The following PPP3CB variants were observed in gnomAD, a reference collection of about 807,000 sequenced individuals.
The protein encoded by PPP3CB is serine/threonine-protein phosphatase 2B catalytic subunit beta isoform.
In PPP3CB, 8 loss-of-function variants were observed where a neutral mutation model predicts 66.4. The observed-to-expected ratio is 0.12, with a 90% CI of 0.07 to 0.22. The LOEUF is 0.22. Among genes scored for constraint, PPP3CB ranks in the 10% least tolerant of loss-of-function variants. PPP3CB has a pLI of 1.00. For synonymous variants in PPP3CB, 208 were observed against 221.2 expected (o/e 0.94, Z 0.53); for missense variants, 319 against 642.5 (o/e 0.50, Z 5.44).
At chr10:73,472,974 T>C (rs1277596715) in intron 4 of PPP3CB, among the ~76,000 whole-genome samples, 1 of 152,186 alleles carries the variant, frequency 6.6e-6, no homozygotes, top group Non-Finnish European at 1.5e-5. Context: ...AAGAACTTAG[T>C]TCCTATTTCC....
chr10:73,468,513 C>T (rs2056654183), intron 8 of PPP3CB, among the ~76,000 whole-genome samples: 1 of 152,168 alleles, frequency 6.6e-6, no homozygotes, highest in Non-Finnish European at 1.5e-5. Context: ...ATTTATAAAA[C>T]AGGACTAATA....
At chr10:73,490,038 T>TG (rs2133041881) in intron 1 of PPP3CB, among the ~76,000 whole-genome samples, 1 of 152,354 alleles carries the variant, frequency 6.6e-6, no homozygotes, top group South Asian at 2.1e-4. Context: ...CCCACTAGAA[T>TG]GCCGGCACTA....
At chr10:73,441,460 C>A (rs913717289) in intron 12 of PPP3CB, among the ~76,000 whole-genome samples, 1 of 152,040 alleles carries the variant, frequency 6.6e-6, no homozygotes, top group African/African-American at 2.4e-5. Context: ...AAAAATTAGC[C>A]GGGCATGGTG....
intron 12 of PPP3CB, among the ~76,000 whole-genome samples, chr10:73,440,600 G>A (rs1208506365): frequency 6.6e-6 from 1 of 152,128 alleles, no homozygotes; most frequent in Non-Finnish European, 1.5e-5. Flanking sequence ...TAGTACTGAT[G>A]TTCCAAATAC....
At chr10:73,451,991 C>T (rs1418853373) in intron 10 of PPP3CB, among the ~76,000 whole-genome samples, 1 of 151,758 alleles carries the variant, frequency 6.6e-6, no homozygotes, top group Non-Finnish European at 1.5e-5. Context: ...CATGATCCAC[C>T]CGCCTCAGCC....
At position 73,484,769 on chromosome 10, in the gene PPP3CB, C is replaced by T. The variant is rs532995069; in HGVS notation, c.86-5252G>A. On this transcript the variant is annotated intron_variant, in intron 1 of 13. Coordinates refer to ENST00000360663, the MANE Select transcript of PPP3CB (RefSeq NM_021132.4). Reference sequence around the variant, plus strand: ...GGAACAACCTAAAGAGCTACAAAATCGGCTGGGCGTGGTGGCTCACGCCTG... The same window carrying T: ...GGAACAACCTAAAGAGCTACAAAATTGGCTGGGCGTGGTGGCTCACGCCTG... 4.6e-5 allele frequency among the ~76,000 whole-genome samples: 7 copies of T among 151,794 alleles called. 1 individual carries two copies. The South Asian group carries it at 1.3e-3, about 27-fold the overall frequency.
chr10:73,460,265 C>CAAAAAAAAAAAAAAAA (rs11447229), intron 9 of PPP3CB, among the ~76,000 whole-genome samples: 3 of 35,812 alleles, frequency 8.4e-5, no homozygotes, highest in Non-Finnish European at 1.8e-4. Context: ...AAAGTAATAG[C>CAAAAAAAAAAAAAAAA]AAAAAAAAAA....
chr10:73,483,734 C>T lies in PPP3CB; in HGVS notation c.86-4217G>A, dbSNP rs137972637. ...AAAAGGCACGTATAGTGTTGTTTTG[C>T]AAGTGGAGAACGGAGCTTCAGCAGG... On this transcript the variant is annotated intron_variant, in intron 1 of 13. Transcript: ENST00000360663. Among the ~76,000 whole-genome samples the T allele has an allele frequency of 1.2e-4, 19 of 152,160 alleles. No individual in the cohort carries two copies. The East Asian group carries it at 3.3e-3, about 26-fold the overall frequency.
At chr10:73,446,299 T>C (rs1253530076) in intron 11 of PPP3CB, among the ~76,000 whole-genome samples, 193 bp downstream of exon 11, 2 of 151,472 alleles carry the variant, frequency 1.3e-5, no homozygotes, top group Non-Finnish European at 2.9e-5. Flanking sequence ...GGGGATTCAC[T>C]ATGTTGGCCA....
chr10:73,493,557 G>A (rs1341648158), intron 1 of PPP3CB, among the ~76,000 whole-genome samples: 1 of 152,136 alleles, frequency 6.6e-6, no homozygotes, highest in African/African-American at 2.4e-5. Flanking sequence ...GTGAATTTCT[G>A]GATCTGTAAG....
intron 1 of PPP3CB, among the ~76,000 whole-genome samples, chr10:73,484,363 G>A (rs57585899): frequency 1.5e-4 from 23 of 151,538 alleles, no homozygotes; most frequent in Non-Finnish European, 2.9e-5. Context: ...TCCGCCCCCC[G>A]GGGTTCATGC....
chr10:73,479,779 TTTTG>T (rs987021782), intron 1 of PPP3CB, among the ~76,000 whole-genome samples: 8 of 152,256 alleles, frequency 5.3e-5, no homozygotes, highest in African/African-American at 1.9e-4. Context: ...ACCAAAACTT[TTTTG>T]TTTAAGCCAA....
intron 1 of PPP3CB, among the ~76,000 whole-genome samples, chr10:73,491,673 A>C (rs2057080049): frequency 6.6e-6 from 1 of 152,192 alleles, no homozygotes; most frequent in African/African-American, 2.4e-5. Flanking sequence ...GGTTATCTGA[A>C]AATAAGTAAT....
chr10:73,476,342 C>T (rs549979291), intron 3 of PPP3CB, among the ~76,000 whole-genome samples: 30 of 152,226 alleles, frequency 2.0e-4, no homozygotes, highest in Non-Finnish European at 3.8e-4. Context: ...TACATCCAGG[C>T]GCAGTGGCTC....
intron 3 of PPP3CB, among the ~76,000 whole-genome samples, chr10:73,475,373 TAAC>T (rs1459682816): frequency 1.3e-5 from 2 of 152,234 alleles, no homozygotes; most frequent in Non-Finnish European, 2.9e-5. Context: ...ACTGTCAAAA[TAAC>T]AGCAGCTAAC....
At chr10:73,466,214 C>A (rs984819008) in intron 9 of PPP3CB, among the ~76,000 whole-genome samples, 1 of 152,178 alleles carries the variant, frequency 6.6e-6, no homozygotes, top group Non-Finnish European at 1.5e-5. Flanking sequence ...TGGTTTTTGA[C>A]AGGTGCATTA....
At chr10:73,448,179 A>G (rs2056289625) in intron 10 of PPP3CB, among the ~76,000 whole-genome samples, 1 of 152,154 alleles carries the variant, frequency 6.6e-6, no homozygotes, top group African/African-American at 2.4e-5. Context: ...GTACATTCAT[A>G]TTTTCAGATT....
intron 1 of PPP3CB, among the ~76,000 whole-genome samples, chr10:73,493,713 G>C (rs1461913246): frequency 6.6e-6 from 1 of 152,142 alleles, no homozygotes; most frequent in Non-Finnish European, 1.5e-5. Context: ...TCTATGAAGA[G>C]GGCACAATGA....
chr10:73,467,475 A>G lies in PPP3CB; in HGVS notation c.1108+78T>C, dbSNP rs1038996726. ...AAACTAGACTTTGGTTTCCTTTAGCAAGTATGTGCCTATGATAGTAAACTG... is the reference window on the plus strand; with the variant it reads ...AAACTAGACTTTGGTTTCCTTTAGCGAGTATGTGCCTATGATAGTAAACTG... On this transcript the variant is annotated intron_variant, in intron 9 of 13. Coordinates refer to ENST00000360663, the MANE Select transcript of PPP3CB (RefSeq NM_021132.4). 5.9e-6 allele frequency: 7 copies of G among 1,186,068 alleles called. No homozygotes were observed. In the African/African-American group the frequency reaches 1.1e-4, roughly 19 times the overall value. The allele number at this position is 1,186,068 out of a possible 1,614,324, so 73.5% of individuals were successfully genotyped here. A position where few individuals can be genotyped will look rare whatever the true frequency, so the allele number is the denominator to read the frequency against.
Sources: allele counts gnomAD v4.1 joint callset (sites outside exome capture counted in the v4.1 genomes callset), GRCh38; gene constraint gnomAD v4.1.1; transcripts MANE v1.5; gene names NCBI Gene and HGNC (gene_info 2026-07-23, HGNC 2026-07-21).